Variants in CTNNA2 observed in about 807,000 individuals in gnomAD.
CTNNA2 encodes the protein catenin alpha-2.
In CTNNA2, 42 loss-of-function variants were observed where a neutral mutation model predicts 101.0. The observed-to-expected ratio is 0.42, with a 90% confidence interval of 0.32 to 0.54. CTNNA2 has a LOEUF of 0.54. CTNNA2 is among the 20% of genes least tolerant of loss of function. The pLI, the probability that CTNNA2 is intolerant of heterozygous loss-of-function variation, is 0.14. For synonymous variants in CTNNA2, 450 were observed against 456.4 expected (o/e 0.99, Z 0.18); for missense variants, 871 against 1,223.1 (o/e 0.71, Z 4.29).
intron 2 of CTNNA2, among the ~76,000 whole-genome samples, chr2:79,212,370 C>T (rs940697777): frequency 1.3e-5 from 2 of 152,128 alleles, no homozygotes; most frequent in African/African-American, 2.4e-5. Flanking sequence ...TAAAAAGGAG[C>T]GTCTATACAG....
chr2:79,546,255 T>C (rs1043144269), intron 1 of CTNNA2, among the ~76,000 whole-genome samples: 1 of 152,186 alleles, frequency 6.6e-6, no homozygotes, highest in African/African-American at 2.4e-5. Context: ...CCAGTGTTTT[T>C]TCTAGGTCCT....
chr2:80,581,164 A>G (rs941363847), intron 13 of CTNNA2, among the ~76,000 whole-genome samples: 2 of 152,200 alleles, frequency 1.3e-5, no homozygotes, highest in Admixed American at 1.3e-4. Context: ...GAGGAAGTCA[A>G]ACTAAGAGAG....
intron 3 of CTNNA2, among the ~76,000 whole-genome samples, chr2:79,848,338 T>A (rs1293259838): frequency 3.9e-5 from 6 of 152,222 alleles, no homozygotes; most frequent in Non-Finnish European, 7.3e-5. Flanking sequence ...CATTTTTCTC[T>A]TAAGCTTAGA....
At chr2:79,414,171 C>G (rs1405753440) in intron 4 of CTNNA2, among the ~76,000 whole-genome samples, 1 of 151,830 alleles carries the variant, frequency 6.6e-6, no homozygotes, top group African/African-American at 2.4e-5. Flanking sequence ...AAGCTACTCC[C>G]TTTCTCATCC....
At position 79,311,648 on chromosome 2, in the gene CTNNA2, C is replaced by T. The variant is rs537558407; in HGVS notation, c.-405-1061C>T. On this transcript the variant is annotated intron_variant, in intron 2 of 21. Coordinates refer to the CTNNA2 transcript ENST00000466387. ...TGACCCTTTCTCCCATCTTGAGGTG[C>T]TCAGTGATCTCATACTATTCTACTA... Among the ~76,000 whole-genome samples the T allele has an allele frequency of 7.2e-5, 11 of 152,170 alleles. No individual in the cohort carries two copies. In the East Asian group the frequency reaches 2.1e-3, roughly 30 times the overall value.
chr2:79,953,835 G>T (rs1442169957), intron 7 of CTNNA2, among the ~76,000 whole-genome samples: 1 of 152,100 alleles, frequency 6.6e-6, no homozygotes, highest in Non-Finnish European at 1.5e-5. Context: ...TTCATTTCTA[G>T]CTCAGTGCTT....
chr2:79,902,085 A>G (rs1187047727), intron 6 of CTNNA2, among the ~76,000 whole-genome samples: 1 of 152,126 alleles, frequency 6.6e-6, no homozygotes, highest in Non-Finnish European at 1.5e-5. Flanking sequence ...CCTGGTGATT[A>G]TTTGCTGTTT....
intron 7 of CTNNA2, among the ~76,000 whole-genome samples, chr2:80,244,323 C>T (rs1261590156): frequency 6.6e-6 from 1 of 152,206 alleles, no homozygotes; most frequent in East Asian, 1.9e-4. Flanking sequence ...CTACCTTAGA[C>T]GATTCTTAAC....
chr2:79,344,204 C>A (rs1163285755), intron 3 of CTNNA2, among the ~76,000 whole-genome samples: 1 of 152,204 alleles, frequency 6.6e-6, no homozygotes, highest in African/African-American at 2.4e-5. Context: ...AGCCACCTCC[C>A]AGACGTCCTG....
chr2:79,300,123 T>A (rs892837544), intron 2 of CTNNA2, among the ~76,000 whole-genome samples: 1 of 152,166 alleles, frequency 6.6e-6, no homozygotes, highest in Non-Finnish European at 1.5e-5. Flanking sequence ...ATTCATACAG[T>A]AATCATACAG....
intron 18 of CTNNA2, among the ~76,000 whole-genome samples, chr2:80,635,971 CTT>C (rs60757492): frequency 3.5e-5 from 4 of 115,640 alleles, no homozygotes; most frequent in South Asian, 2.9e-4. Context: ...ATGCCCATTG[CTT>C]TTTTTTTTTT....
intron 2 of CTNNA2, among the ~76,000 whole-genome samples, chr2:79,737,837 C>G (rs1671009364): frequency 6.6e-6 from 1 of 152,146 alleles, no homozygotes; most frequent in African/African-American, 2.4e-5. Flanking sequence ...TCAGGTCCTT[C>G]TCACATTTCA....
In CTNNA2 at chr2:79,236,832, ATCT is replaced by A. The variant is rs879711846; in HGVS notation, c.-406+38759_-406+38761del. The stretch of plus-strand genomic sequence containing the variant: ...TATGAGATTGCAATAATTCAATCAC[ATCT>A]TCAGGCTCCATTTTTAATTATAGTT... On this transcript the variant is annotated intron_variant, in intron 2 of 21. Transcript: ENST00000466387. Among the ~76,000 whole-genome samples, 7 of 152,160 alleles carry A rather than the reference ATCT, an allele frequency of 4.6e-5. 1 individual carries two copies. Among genetic ancestry groups the A allele is most frequent in the Admixed American group, 1.3e-4 (2 of 15,274 alleles).
chr2:79,975,929 C>T (rs1008853210), intron 7 of CTNNA2, among the ~76,000 whole-genome samples: 5 of 152,162 alleles, frequency 3.3e-5, no homozygotes, highest in Non-Finnish European at 5.9e-5. Context: ...GTTAGTGAGG[C>T]GCCCAACCTT....
Position 79,869,803 on chromosome 2 carries a change from T to C in CTNNA2, c.466-13T>C, listed in dbSNP as rs1439575358. 6.2e-7 allele frequency: 1 copy of C among 1,606,886 alleles called. No individual in the cohort carries two copies. The highest frequency in any genetic ancestry group is 1.1e-5 in the South Asian group (1 of 89,358). On this transcript the variant is annotated splice_polypyrimidine_tract_variant and intron_variant, in intron 4 of 18. Coordinates refer to ENST00000402739, the MANE Select transcript of CTNNA2 (RefSeq NM_001282597.3). ...CTATCCACTAATAAATATGTTGTTT[T>C]TCACCACTGCAGGTGGAAGAGGCCC...
chr2:79,286,837 T>G (rs925889231), intron 2 of CTNNA2, among the ~76,000 whole-genome samples: 1 of 152,200 alleles, frequency 6.6e-6, no homozygotes, highest in Non-Finnish European at 1.5e-5. Context: ...CTGGATAATA[T>G]CCTGCAGAGT....
intron 3 of CTNNA2, among the ~76,000 whole-genome samples, chr2:79,329,867 T>C (rs6706744): frequency 0.21 from 32,016 of 152,122 alleles, 3,629 homozygotes; most frequent in Middle Eastern, 0.26. Context: ...AGAATGGCTT[T>C]GACGTAGACA....
At chr2:80,146,498 A>AT (rs1703342243) in intron 7 of CTNNA2, among the ~76,000 whole-genome samples, 1 of 151,630 alleles carries the variant, frequency 6.6e-6, no homozygotes, top group Admixed American at 6.6e-5. Flanking sequence ...TTCTCCATCC[A>AT]TTTTTTTCTC....
intron 7 of CTNNA2, among the ~76,000 whole-genome samples, chr2:80,099,211 C>A (rs1700381746): frequency 6.6e-6 from 1 of 152,016 alleles, no homozygotes; most frequent in African/African-American, 2.4e-5. Context: ...AGAATAAGTC[C>A]TGACTAATTT....
Sources: gnomAD v4.1 joint callset for allele counts (sites outside exome capture counted in the v4.1 genomes callset) on GRCh38, gnomAD v4.1.1 for gene constraint, MANE v1.5 for transcripts, NCBI Gene and HGNC (gene_info 2026-07-23, HGNC 2026-07-21) for gene names.